Variants in NAV2 observed in about 807,000 individuals in gnomAD.
The protein encoded by NAV2 is helicase, APC down-regulated 1.
A neutral mutation model predicts 223.2 loss-of-function variants in NAV2; 54 were observed. That is an observed-to-expected ratio of 0.24 (90% CI 0.19 to 0.30). NAV2 has a LOEUF of 0.30. NAV2 is among the 10% of genes least tolerant of loss of function. The pLI, the probability that NAV2 is intolerant of heterozygous loss-of-function variation, is 1.00. For missense variants in NAV2, 2,806 were observed against 3,147.5 expected (o/e 0.89, Z 2.60); for synonymous variants, 1,279 against 1,239.3 (o/e 1.03, Z -0.67).
At chr11:19,399,107 T>A (rs1655930100) in intron 1 of NAV2, among the ~76,000 whole-genome samples, 1 of 152,222 alleles carries the variant, frequency 6.6e-6, no homozygotes, top group African/African-American at 2.4e-5. Flanking sequence ...TGAAATGTGA[T>A]CTTTGAGACT....
At chr11:19,587,186 G>C (rs1464328416) in intron 1 of NAV2, among the ~76,000 whole-genome samples, 1 of 152,242 alleles carries the variant, frequency 6.6e-6, no homozygotes, top group African/African-American at 2.4e-5. Context: ...CCAGGTGCAG[G>C]ATATAATTTC....
At chr11:19,489,065 T>A (rs1266501809) in intron 1 of NAV2, among the ~76,000 whole-genome samples, 1 of 152,188 alleles carries the variant, frequency 6.6e-6, no homozygotes, top group African/African-American at 2.4e-5. Context: ...ACTCAGCATC[T>A]CTTCTACTGT....
chr11:19,965,510 C>T (rs2048699580), intron 10 of NAV2, among the ~76,000 whole-genome samples: 1 of 152,144 alleles, frequency 6.6e-6, no homozygotes, highest in Non-Finnish European at 1.5e-5. Context: ...TGGTTTTTCT[C>T]TCATCTTGCT....
intron 1 of NAV2, among the ~76,000 whole-genome samples, chr11:19,502,349 G>C (rs919279607): frequency 1.3e-5 from 2 of 152,188 alleles, no homozygotes; most frequent in Admixed American, 1.3e-4. Flanking sequence ...GATTAAATAA[G>C]TAAATCGACA....
At chr11:19,355,802 G>A (rs1348471508) in intron 1 of NAV2, among the ~76,000 whole-genome samples, 2 of 152,146 alleles carry the variant, frequency 1.3e-5, no homozygotes, top group Non-Finnish European at 2.9e-5. Context: ...AGCAAGTCAG[G>A]GCTGCATGCC....
chr11:19,463,045 G>A (rs1367656316), intron 1 of NAV2, among the ~76,000 whole-genome samples: 2 of 152,190 alleles, frequency 1.3e-5, no homozygotes, highest in South Asian at 2.1e-4. Flanking sequence ...AGACAGAGCT[G>A]GGTCAAATCC....
chr11:20,085,786 G>C (rs7125126), intron 26 of NAV2, among the ~76,000 whole-genome samples: 48,347 of 152,112 alleles, frequency 0.32, 8,245 homozygotes, highest in East Asian at 0.63. Flanking sequence ...GGGCGTGGGG[G>C]TTTGGAGAGT....
intron 1 of NAV2, among the ~76,000 whole-genome samples, chr11:19,785,445 G>A (rs1487169291): frequency 6.6e-6 from 1 of 152,188 alleles, no homozygotes; most frequent in Admixed American, 6.5e-5. Context: ...CCCATTACCT[G>A]GTACTTGGCT....
At chr11:19,724,101 A>G (rs889701748) in intron 1 of NAV2, among the ~76,000 whole-genome samples, 5 of 152,212 alleles carry the variant, frequency 3.3e-5, no homozygotes, top group African/African-American at 7.2e-5. Flanking sequence ...GAGGAGACCT[A>G]TGAGGCCATC....
chr11:19,355,036 T>C (rs369899309), intron 1 of NAV2, among the ~76,000 whole-genome samples: 3 of 152,304 alleles, frequency 2.0e-5, no homozygotes, highest in African/African-American at 2.4e-5. Flanking sequence ...GGCTTCTGCA[T>C]AGAGAAATTC....
intron 1 of NAV2, among the ~76,000 whole-genome samples, chr11:19,678,440 C>G (rs1182006652): frequency 6.6e-6 from 1 of 152,192 alleles, no homozygotes; most frequent in African/African-American, 2.4e-5. Flanking sequence ...AAATGGGTGT[C>G]TCACCTGCAC....
intron 1 of NAV2, among the ~76,000 whole-genome samples, chr11:19,521,051 C>T (rs528963007): frequency 6.6e-6 from 1 of 152,220 alleles, no homozygotes; most frequent in East Asian, 1.9e-4. Flanking sequence ...TTGGACCCTG[C>T]AAGCCTGCAT....
chr11:19,604,429 A>G (rs2046431153), intron 1 of NAV2, among the ~76,000 whole-genome samples: 1 of 152,134 alleles, frequency 6.6e-6, no homozygotes, highest in Admixed American at 6.5e-5. Flanking sequence ...GACTCCAAGC[A>G]TTGGGGTCCG....
At chr11:19,907,343 T>A in intron 6 of NAV2, among the ~76,000 whole-genome samples, 1 of 152,158 alleles carries the variant, frequency 6.6e-6, no homozygotes, top group African/African-American at 2.4e-5. Flanking sequence ...TGATAAACCG[T>A]GATGAAAAGT....
chr11:20,016,025 C>T (rs967815047), intron 11 of NAV2, among the ~76,000 whole-genome samples: 4 of 152,128 alleles, frequency 2.6e-5, no homozygotes, highest in Non-Finnish European at 5.9e-5. Context: ...CTCTGAGCGC[C>T]GGTTTCTTTT....
rs71050685 is a variant in NAV2, at chr11:19,776,632, A to ATGTGTGTGTGTGTGTGTGTGTG, written c.268-55829_268-55808dup. On this transcript the variant is annotated intron_variant, in intron 1 of 37. Coordinates refer to ENST00000349880, the MANE Select transcript of NAV2 (RefSeq NM_145117.5). The stretch of plus-strand genomic sequence containing the variant: ...TGGTTAGAGTTGTGGGGGTCAGAAA[A>ATGTGTGTGTGTGTGTGTGTGTG]TGTGTGTGTGTGTGTGTGTGTGTGT... Among the ~76,000 whole-genome samples the ATGTGTGTGTGTGTGTGTGTGTG allele has an allele frequency of 2.7e-3, 176 of 64,658 alleles. 5 individuals are homozygous for ATGTGTGTGTGTGTGTGTGTGTG. Among genetic ancestry groups the ATGTGTGTGTGTGTGTGTGTGTG allele is most frequent in the Non-Finnish European group, 3.8e-3 (124 of 32,394 alleles). 42.4% of individuals were successfully genotyped at this position (64,658 alleles called of 152,430 possible).
intron 1 of NAV2, among the ~76,000 whole-genome samples, chr11:19,807,127 C>T (rs544716754): frequency 2.0e-5 from 3 of 152,344 alleles, no homozygotes; most frequent in African/African-American, 4.8e-5. Flanking sequence ...GTGGAGTTTT[C>T]CTGCCATGGG....
chr11:19,513,287 G>A (rs1291428508), intron 1 of NAV2, among the ~76,000 whole-genome samples: 1 of 152,226 alleles, frequency 6.6e-6, no homozygotes, highest in African/African-American at 2.4e-5. Context: ...AGACCCACAG[G>A]TGTTGAAAAG....
In NAV2 at chr11:19,625,506, A is replaced by G. The variant is rs527810679; in HGVS notation, c.76-206978A>G. 6.6e-5 allele frequency among the ~76,000 whole-genome samples: 10 copies of G among 152,288 alleles called. No homozygotes were observed. The South Asian group carries it at 2.1e-3, about 32-fold the overall frequency. On this transcript the variant is annotated intron_variant, in intron 1 of 37. Coordinates refer to the NAV2 transcript ENST00000360655. ...CTTAGCTATCATGGACTGTGCTGCAATAAACATGGAGGTGCAGCTATTTAT... is the reference window on the plus strand; with the variant it reads ...CTTAGCTATCATGGACTGTGCTGCAGTAAACATGGAGGTGCAGCTATTTAT...
Sources: allele counts gnomAD v4.1 joint callset (sites outside exome capture counted in the v4.1 genomes callset), GRCh38; gene constraint gnomAD v4.1.1; transcripts MANE v1.5; gene names NCBI Gene and HGNC (gene_info 2026-07-23, HGNC 2026-07-21).